Variants in MTFR1 observed in about 807,000 individuals in gnomAD.
MTFR1 encodes the protein chondrocyte protein with a poly-proline region.
A neutral mutation model predicts 38.8 loss-of-function variants in MTFR1; 28 were observed. The ratio of observed to expected loss-of-function variants is 0.72; its 90% CI spans 0.53 to 0.99. The LOEUF (loss-of-function observed/expected upper bound fraction) is 0.99. Among genes scored for constraint, MTFR1 ranks in the 50% least tolerant of loss-of-function variants. The pLI is 0.00. For synonymous variants in MTFR1, 145 were observed against 137.0 expected, an observed-to-expected ratio of 1.06 and a Z score of -0.41; for missense variants, 358 against 395.5, an observed-to-expected ratio of 0.91 and a Z score of 0.81.
rs1044530013 is a variant in MTFR1 at position 65,709,316 on chromosome 8, G to A, written c.*272G>A. 11 of 351,638 alleles carry A rather than the reference G, an allele frequency of 3.1e-5. No homozygotes were observed. The highest frequency in any genetic ancestry group is 1.6e-4 in the African/African-American group (8 of 49,166). 21.8% of individuals were successfully genotyped at this position (351,638 alleles called of 1,614,324 possible). A position where few individuals can be genotyped will look rare whatever the true frequency, so the allele number is the denominator to read the frequency against. ...CAGATTTCCAGTTTTGAAAACAATT[G>A]TATAGATTTCACAACACAAAAAGGA... On this transcript the variant is annotated 3_prime_UTR_variant, in exon 8 of 8. Coordinates refer to ENST00000262146, the MANE Select transcript of MTFR1 (RefSeq NM_014637.4).
At chr8:65,747,576 C>A in intron 3 of MTFR1, 1 of 858,094 alleles carries the variant, frequency 1.2e-6, no homozygotes, top group Admixed American at 3.0e-5. Flanking sequence ...CTCTATAAAT[C>A]ATTACTGTAT....
At chr8:65,754,857 C>A (rs1030098177) in intron 3 of MTFR1, among the ~76,000 whole-genome samples, 3 of 148,034 alleles carry the variant, frequency 2.0e-5, no homozygotes, top group Admixed American at 6.7e-5. Flanking sequence ...CCCATCTACT[C>A]GGGAGGCTGA....
chr8:65,731,320 C>G (rs991295409), intron 3 of MTFR1, among the ~76,000 whole-genome samples: 2 of 152,100 alleles, frequency 1.3e-5, no homozygotes, highest in African/African-American at 4.8e-5. Context: ...CAGGGAGGGA[C>G]GTGCAGGGCC....
At position 65,682,389 on chromosome 8, in the gene MTFR1, A is replaced by C. The variant is rs1393207441; in HGVS notation, c.103A>C (p.Ser35Arg). ...TAGGAAGCCATATGGTTCGTCTCGA[A>C]GTATCGTAAGGAAAATTGGTACTAA... ...WSRKPYGSSR[S>R]IVRKIGTNLS... The change falls in exon 3 of 8, where the codon AGT (serine) becomes CGT (arginine). Residue 35 changes from serine (S) to arginine (R), a missense_variant. Transcript: ENST00000262146. The C allele has an allele frequency of 3.8e-6, 6 of 1,572,614 alleles. No homozygotes were observed. The highest frequency in any genetic ancestry group is 2.4e-5 in the East Asian group (1 of 42,338).
intron 1 of MTFR1, among the ~76,000 whole-genome samples, chr8:65,665,693 T>C (rs1338924600): frequency 6.6e-6 from 1 of 152,236 alleles, no homozygotes; most frequent in Non-Finnish European, 1.5e-5. Flanking sequence ...AGATGGGGTC[T>C]CGCTTTGTTG....
chr8:65,664,622 T>C (rs1294093461), intron 1 of MTFR1, among the ~76,000 whole-genome samples: 1 of 151,276 alleles, frequency 6.6e-6, no homozygotes, highest in Non-Finnish European at 1.5e-5. Context: ...TTTTTTTTTT[T>C]TTTTTTCTCC....
intron 3 of MTFR1, chr8:65,727,802 G>A (rs1806672713): frequency 6.6e-6 from 1 of 152,372 alleles, no homozygotes; most frequent in South Asian, 2.1e-4. Context: ...GAGTAATCAT[G>A]TTAAGTGGAA....
intron 1 of MTFR1, among the ~76,000 whole-genome samples, chr8:65,653,293 C>T (rs993263377): frequency 1.3e-5 from 2 of 151,874 alleles, no homozygotes; most frequent in African/African-American, 2.4e-5. Context: ...TGGATCACCT[C>T]GATCACCAGG....
At chr8:65,753,908 GT>G (rs1275533690) in intron 3 of MTFR1, among the ~76,000 whole-genome samples, 1 of 151,822 alleles carries the variant, frequency 6.6e-6, no homozygotes, top group Non-Finnish European at 1.5e-5. Context: ...AACTTAAAGT[GT>G]ATACTGTCTG....
At chr8:65,651,072 C>T (rs1174800271) in intron 1 of MTFR1, among the ~76,000 whole-genome samples, 2 of 152,096 alleles carry the variant, frequency 1.3e-5, no homozygotes, top group East Asian at 1.9e-4. Flanking sequence ...TTAATATACC[C>T]GTTTGCCATT....
At chr8:65,765,676 G>C (rs189693681) in intron 3 of MTFR1, 1 of 152,226 alleles carries the variant, frequency 6.6e-6, no homozygotes, top group African/African-American at 2.4e-5. Context: ...AGAGAGACCA[G>C]GCCCTCCAGT....
At chr8:65,696,217 T>A (rs552496485) in intron 4 of MTFR1, among the ~76,000 whole-genome samples, 1 of 152,298 alleles carries the variant, frequency 6.6e-6, no homozygotes, top group Admixed American at 6.5e-5. Context: ...AAACAAGGAA[T>A]TTGATTTGAA....
intron 7 of MTFR1, 59 bp from the exon 8 acceptor site, chr8:65,708,917 G>T: frequency 9.3e-6 from 14 of 1,510,888 alleles, no homozygotes; most frequent in African/African-American, 1.4e-5. Flanking sequence ...GGAGGTGGGG[G>T]CGTATCGTTA....
chr8:65,668,129 G>A (rs886791153), intron 1 of MTFR1, among the ~76,000 whole-genome samples: 1 of 151,458 alleles, frequency 6.6e-6, no homozygotes, highest in Non-Finnish European at 1.5e-5. Context: ...ATGGCATACA[G>A]CATACTGTTT....
intron 2 of MTFR1, among the ~76,000 whole-genome samples, chr8:65,670,632 T>C (rs535390190): frequency 1.3e-5 from 2 of 152,332 alleles, no homozygotes; most frequent in East Asian, 3.9e-4. Flanking sequence ...TTCATTTTTT[T>C]TCATGGCTAT....
At chr8:65,669,329 T>G (rs1804492145) in intron 1 of MTFR1, among the ~76,000 whole-genome samples, 1 of 152,210 alleles carries the variant, frequency 6.6e-6, no homozygotes, top group Non-Finnish European at 1.5e-5. Context: ...TGAACGTCCT[T>G]GGTTGTGTAG....
intron 3 of MTFR1, among the ~76,000 whole-genome samples, chr8:65,687,019 T>C (rs1805105608): frequency 6.6e-6 from 1 of 152,214 alleles, no homozygotes; most frequent in Non-Finnish European, 1.5e-5. Context: ...ACAAGGATAC[T>C]GCTGCTTACC....
At position 65,689,334 on chromosome 8, in the gene MTFR1, C is replaced by G. The variant is rs558043787; in HGVS notation, c.166-4310C>G. On this transcript the variant is annotated intron_variant, in intron 3 of 7. Transcript: ENST00000262146. ...TCTAACATTTTTATTCTAAGCTTTTCTACTATTGTACAACATTTGTATTTT... is the reference window on the plus strand; with the variant it reads ...TCTAACATTTTTATTCTAAGCTTTTGTACTATTGTACAACATTTGTATTTT... Among the ~76,000 whole-genome samples the G allele has an allele frequency of 2.0e-5, 3 of 152,214 alleles. No individual in the cohort carries two copies. In the East Asian group the frequency reaches 5.8e-4, roughly 29 times the overall value.
intron 1 of MTFR1, among the ~76,000 whole-genome samples, chr8:65,655,950 AAATATATATATATATATACCAT>A (rs1809243638): frequency 3.3e-5 from 1 of 30,760 alleles, no homozygotes; most frequent in Admixed American, 2.6e-4. Flanking sequence ...TTAAAAAAAA[AAATATATATATATATATACCAT>A]ATATATATAT....
Sources: allele counts gnomAD v4.1 joint callset (sites outside exome capture counted in the v4.1 genomes callset), GRCh38; gene constraint gnomAD v4.1.1; transcripts MANE v1.5; gene names NCBI Gene and HGNC (gene_info 2026-07-23, HGNC 2026-07-21).